The following ZNF276 variants were observed in gnomAD, a reference collection of about 807,000 sequenced individuals.
The protein encoded by ZNF276 is centromere protein Z.
Under a neutral mutation model 63.9 loss-of-function variants are expected in ZNF276, and 59 were observed. The ratio of observed to expected loss-of-function variants is 0.92; its 90% CI spans 0.75 to 1.15. The LOEUF (loss-of-function observed/expected upper bound fraction) is 1.15, where lower values mean the gene tolerates loss of function less well. Among genes scored for constraint, ZNF276 ranks in the 50% most tolerant of loss-of-function variants. The probability of loss-of-function intolerance (pLI) is 0.00; values close to 1 mark genes in which losing one functional copy is unlikely to be tolerated. For missense variants in ZNF276, 1,084 were observed against 843.8 expected (o/e 1.28, Z -3.53); for synonymous variants, 496 against 348.4 (o/e 1.42, Z -4.72).
chr16:89,727,407 A>G (rs1321198032), intron 5 of ZNF276, 50 bp downstream of exon 5: 2 of 1,583,680 alleles, frequency 1.3e-6, no homozygotes, highest in African/African-American at 2.7e-5. Context: ...TTCAAAAACC[A>G]TCAGTGACCT....
In ZNF276 at chr16:89,736,331, A is replaced by T. The variant is rs974201383; in HGVS notation, c.1475-1475A>T. On this transcript the variant is annotated intron_variant, in intron 9 of 10. Transcript: ENST00000443381. ...CATGAGCCACCGTGCCCAGCCCCCA[A>T]TTTTTTTTTTTTTTTCCGGGACAGT... is the stretch of plus-strand genomic sequence containing the variant. Among the ~76,000 whole-genome samples the T allele has an allele frequency of 1.3e-4, 18 of 135,080 alleles. No homozygotes were observed. The East Asian group carries it at 1.4e-3, about 10-fold the overall frequency. The allele number at this position is 135,080 out of a possible 152,430, so 88.6% of individuals were successfully genotyped here. A position where few individuals can be genotyped will look rare whatever the true frequency, so the allele number is the denominator to read the frequency against.
chr16:89,727,962 A>G lies in ZNF276; in HGVS notation c.1085+605A>G, dbSNP rs935334776. On this transcript the variant is annotated intron_variant, in intron 5 of 10. Coordinates refer to ENST00000443381, the MANE Select transcript of ZNF276 (RefSeq NM_001113525.2). ...CACCCCTGCCTCTGAGCCAAGCGCC[A>G]TTCAGGGCAGCTGTGCCAGGCTGGG... Among the ~76,000 whole-genome samples, 2 of 152,188 alleles carry G rather than the reference A, an allele frequency of 1.3e-5. 1 individual carries two copies. The highest frequency in any genetic ancestry group is 4.8e-5 in the African/African-American group (2 of 41,452).
At chr16:89,728,460 G>A (rs1248605417) in intron 5 of ZNF276, among the ~76,000 whole-genome samples, 6 of 152,066 alleles carry the variant, frequency 3.9e-5, no homozygotes, top group African/African-American at 1.4e-4. Flanking sequence ...CTGGAGTGCA[G>A]TGGCACAATC....
In ZNF276 at chr16:89,728,752, G is replaced by C. The variant is rs150657955; in HGVS notation, c.1086-483G>C. On this transcript the variant is annotated intron_variant, in intron 5 of 10. Transcript: ENST00000443381. ...GGGTTTCACGGTATTGGCCAGGCTG[G>C]TCTTGAACTCCTGACCTCATGCGAT... Among the ~76,000 whole-genome samples the C allele has an allele frequency of 1.1e-4, 16 of 152,166 alleles. No homozygotes were observed. The East Asian group carries it at 2.5e-3, about 24-fold the overall frequency.
chr16:89,739,110 GT>G lies in ZNF276; in HGVS notation c.*865del. The G allele has an allele frequency of 6.2e-7, 1 of 1,614,006 alleles. No homozygotes were observed. Among genetic ancestry groups the G allele is most frequent in the Non-Finnish European group, 8.5e-7 (1 of 1,179,950 alleles). ...CCGGCTGGGGGGAGCTCCCCTGGAG[GT>G]GGGACTGGCCCTTGCACCTGCCTGA... On this transcript the variant is annotated 3_prime_UTR_variant, in exon 11 of 11. Transcript: ENST00000443381.
In ZNF276 at chr16:89,740,814, A is replaced by C; in HGVS notation, c.*2568A>C. The C allele has an allele frequency of 6.2e-7, 1 of 1,613,670 alleles. No individual in the cohort carries two copies. The highest frequency in any genetic ancestry group is 8.5e-7 in the Non-Finnish European group (1 of 1,179,776). On this transcript the variant is annotated 3_prime_UTR_variant, in exon 11 of 11. Coordinates refer to ENST00000443381, the MANE Select transcript of ZNF276 (RefSeq NM_001113525.2). The stretch of plus-strand genomic sequence containing the variant: ...TAAGGTCTGACTTACATTTGAGGTC[A>C]GATGTGACGACAGCAGGCCCATCAA...
In ZNF276 at chr16:89,738,363, T is replaced by C. The variant is rs2062020490; in HGVS notation, c.*117T>C. On this transcript the variant is annotated 3_prime_UTR_variant, in exon 11 of 11. Coordinates refer to ENST00000443381, the MANE Select transcript of ZNF276 (RefSeq NM_001113525.2). ...GGAGGGTGCTGCCCGCCCTTGGTGC[T>C]GGAGGCGGGCTTGGTGTCCGGCTCA... The C allele has an allele frequency of 1.4e-6, 2 of 1,457,022 alleles. No individual in the cohort carries two copies. The highest frequency in any genetic ancestry group is 9.1e-7 in the Non-Finnish European group (1 of 1,094,140). The allele number at this position is 1,457,022 out of a possible 1,614,324, so 90.3% of individuals were successfully genotyped here. A position where few individuals can be genotyped will look rare whatever the true frequency, so the allele number is the denominator to read the frequency against.
chr16:89,725,858 G>A (rs962258909), intron 4 of ZNF276, among the ~76,000 whole-genome samples: 1 of 152,162 alleles, frequency 6.6e-6, no homozygotes, highest in African/African-American at 2.4e-5. Flanking sequence ...TTTTGCCCAG[G>A]CTGGTCTTGA....
chr16:89,739,083 C>A lies in ZNF276; in HGVS notation c.*837C>A, dbSNP rs752700058. 48 of 1,613,800 alleles carry A rather than the reference C, an allele frequency of 3.0e-5. No homozygotes were observed. Among genetic ancestry groups the A allele is most frequent in the Non-Finnish European group, 7.6e-6 (9 of 1,179,854 alleles). ...CGGAACATTCTTTGGCAGAAGGAGC[C>A]TCCGGCTGGGGGGAGCTCCCCTGGA... On this transcript the variant is annotated 3_prime_UTR_variant, in exon 11 of 11. Transcript: ENST00000443381.
At chr16:89,735,887 TTTTG>T (rs201188227) in intron 9 of ZNF276, among the ~76,000 whole-genome samples, 1,608 of 53,816 alleles carry the variant, frequency 0.03, 29 homozygotes, top group South Asian at 0.18. Flanking sequence ...GGGTGTTTTT[TTTTG>T]TTTGTTTGTT....
chr16:89,721,963 C>T, intron 1 of ZNF276, 118 bp downstream of exon 1: 1 of 711,370 alleles, frequency 1.4e-6, no homozygotes, highest in Non-Finnish European at 1.9e-6. Context: ...AAGGGCGTAG[C>T]GGACTCGGGG....
chr16:89,733,254 G>A, intron 6 of ZNF276, 48 bp from the exon 7 acceptor site: 1 of 1,541,634 alleles, frequency 6.5e-7, no homozygotes, highest in Non-Finnish European at 8.9e-7. Context: ...AAAACATTTT[G>A]CAAATGGAGA....
At position 89,733,533 on chromosome 16, in the gene ZNF276, G is replaced by C. The variant is rs753959541; in HGVS notation, c.1332G>C (p.Val444=). ...YKCPYQGCTA[V]YRGADGMKKH... ...GTCCTTACCAGGGCTGCACGGCCGT[G>C]TACCGAGGCGCTGACGGCATGAAGG... The change falls in exon 8 of 11, where the codon GTG becomes GTC. Residue 444 remains valine (V), a synonymous_variant. Coordinates refer to ENST00000443381, the MANE Select transcript of ZNF276 (RefSeq NM_001113525.2). 8 of 1,614,040 alleles carry C rather than the reference G, an allele frequency of 5.0e-6. No homozygotes were observed. Among genetic ancestry groups the C allele is most frequent in the African/African-American group, 1.3e-5 (1 of 74,952 alleles).
chr16:89,722,317 G>A (rs1226035589), intron 1 of ZNF276, among the ~76,000 whole-genome samples: 1 of 152,216 alleles, frequency 6.6e-6, no homozygotes. Context: ...AGAGGCCTTA[G>A]AGGCCTTTGA....
At position 89,723,394 on chromosome 16, in the gene ZNF276, G is replaced by A. The variant is rs761132636; in HGVS notation, c.691G>A (p.Val231Met). ...SSEYCGVIQVVWGCDQGHDYT... is the reference protein window; with the variant it reads ...SSEYCGVIQVMWGCDQGHDYT... ...CGAGTACTGCGGCGTCATCCAGGTC[G>A]TGTGGGGCTGCGACCAGGGCCACGA... is the stretch of plus-strand genomic sequence containing the variant. The change falls in exon 4 of 11, where the codon GTG becomes ATG. Residue 231 changes from valine to methionine, a missense_variant. Coordinates refer to ENST00000443381, the MANE Select transcript of ZNF276 (RefSeq NM_001113525.2). 3.1e-6 allele frequency: 5 copies of A among 1,612,984 alleles called. No homozygotes were observed. The highest frequency in any genetic ancestry group is 3.3e-5 in the Admixed American group (2 of 60,028).
rs752333498 is a variant in ZNF276, at chr16:89,738,891, G to C, written c.*645G>C. ...GGCATCTTGACGTTACCTCTGCCAC[G>C]TGTGAGAAGCTCTTTTTCGGGCACC... On this transcript the variant is annotated 3_prime_UTR_variant, in exon 11 of 11. Transcript: ENST00000443381. The C allele has an allele frequency of 6.2e-7, 1 of 1,614,252 alleles. No individual in the cohort carries two copies. Among genetic ancestry groups the C allele is most frequent in the African/African-American group, 1.3e-5 (1 of 75,086 alleles).
chr16:89,721,196 C>T (rs1245664915), upstream of ZNF276: 2 of 232,302 alleles, frequency 8.6e-6, no homozygotes, highest in Non-Finnish European at 8.3e-6. Context: ...GGCCCCCCTC[C>T]CCTTTCTGCA....
Position 89,723,303 on chromosome 16 carries a change from G to C in ZNF276, c.600G>C (p.Val200=). The C allele has an allele frequency of 6.2e-7, 1 of 1,613,020 alleles. No individual in the cohort carries two copies. Among genetic ancestry groups the C allele is most frequent in the South Asian group, 1.1e-5 (1 of 91,076 alleles). ...TSSPQCLHGL[V]GWVHGHAASC... ...GCCCCCAGTGCCTGCACGGCTTGGT[G>C]GGGTGGGTGCATGGACATGCGGCCA... is the stretch of plus-strand genomic sequence containing the variant. Residue 200 remains valine, a synonymous_variant, in exon 4 of 11, where the codon GTG becomes GTC. Coordinates refer to ENST00000443381, the MANE Select transcript of ZNF276 (RefSeq NM_001113525.2).
At chr16:89,723,738 C>T in intron 4 of ZNF276, 29 bp downstream of exon 4, 1 of 1,591,106 alleles carries the variant, frequency 6.3e-7, no homozygotes, top group Non-Finnish European at 8.6e-7. Context: ...TGGTGCTAGA[C>T]CAGGATGTGT....
Sources: allele counts gnomAD v4.1 joint callset (sites outside exome capture counted in the v4.1 genomes callset), GRCh38; gene constraint gnomAD v4.1.1; transcripts MANE v1.5; gene names NCBI Gene and HGNC (gene_info 2026-07-23, HGNC 2026-07-21).